Variants in PTK2 observed in about 807,000 individuals in gnomAD.
PTK2 encodes the protein protein tyrosine kinase 2, also known as focal adhesion kinase 1.
A neutral mutation model predicts 150.1 loss-of-function variants in PTK2; 45 were observed. That is an observed-to-expected ratio of 0.30 (90% CI 0.24 to 0.38). The LOEUF (loss-of-function observed/expected upper bound fraction) is 0.38. Among genes scored for constraint, PTK2 ranks in the 10% least tolerant of loss-of-function variants. The pLI is 1.00. For synonymous variants in PTK2, 432 were observed against 449.2 expected (o/e 0.96, Z 0.48); for missense variants, 919 against 1,307.3 (o/e 0.70, Z 4.58).
chr8:140,941,537 T>A (rs2100175757), intron 1 of PTK2, among the ~76,000 whole-genome samples: 1 of 152,184 alleles, frequency 6.6e-6, no homozygotes, highest in Non-Finnish European at 1.5e-5. Context: ...GATGAGCTCA[T>A]CATTTAAAAT....
intron 27 of PTK2, among the ~76,000 whole-genome samples, chr8:140,679,237 C>T (rs538479422): frequency 6.6e-6 from 1 of 151,854 alleles, no homozygotes; most frequent in Admixed American, 6.6e-5. Context: ...GTGGGCCAGG[C>T]TGGTCTTGAA....
rs528147272 is a variant in PTK2, at chr8:140,738,769, C to A, written c.1825+249G>T. Among the ~76,000 whole-genome samples the A allele has an allele frequency of 2.0e-5, 3 of 151,918 alleles. No individual in the cohort carries two copies. In the East Asian group the frequency reaches 5.8e-4, roughly 29 times the overall value. On this transcript the variant is annotated intron_variant, in intron 21 of 31. Coordinates refer to ENST00000522684, the Ensembl canonical transcript of PTK2. ...GGAAAGAAGAGACAGCAAAGGGGAA[C>A]AAAAAGGAAGAGTGATGGAAGGAGC...
At chr8:140,689,739 G>A (rs185808137) in intron 26 of PTK2, among the ~76,000 whole-genome samples, 22 of 152,292 alleles carry the variant, frequency 1.4e-4, no homozygotes, top group Non-Finnish European at 2.2e-4. Flanking sequence ...AACAACTGGA[G>A]ACTCTAGGTA....
intron 22 of PTK2, 164 bp from the exon 26 acceptor site, chr8:140,717,873 C>A: frequency 1.9e-6 from 1 of 538,224 alleles, no homozygotes. Context: ...TAACTCTCCA[C>A]GAAATGATTC....
At chr8:140,684,398 C>A (rs891447404) in intron 27 of PTK2, among the ~76,000 whole-genome samples, 2 of 152,234 alleles carry the variant, frequency 1.3e-5, no homozygotes, top group African/African-American at 4.8e-5. Flanking sequence ...GGCATTAATG[C>A]GGGCTAGCCC....
At chr8:140,872,148 G>A (rs1011960838) in intron 4 of PTK2, among the ~76,000 whole-genome samples, 1 of 152,056 alleles carries the variant, frequency 6.6e-6, no homozygotes, top group Non-Finnish European at 1.5e-5. Context: ...AGGTTCAAGC[G>A]ATTCTCCAGC....
At chr8:140,678,405 G>A (rs1161808626) in intron 27 of PTK2, among the ~76,000 whole-genome samples, 3 of 151,948 alleles carry the variant, frequency 2.0e-5, no homozygotes, top group Non-Finnish European at 4.4e-5. Flanking sequence ...GCAGTGCTGT[G>A]GCATGATCTT....
chr8:140,877,016 T>A (rs1160346610), intron 4 of PTK2, among the ~76,000 whole-genome samples: 1 of 149,590 alleles, frequency 6.7e-6, no homozygotes, highest in Non-Finnish European at 1.5e-5. Context: ...CATGTAACTT[T>A]CACTAATCCT....
chr8:140,967,725 T>C (rs567425867), intron 1 of PTK2, among the ~76,000 whole-genome samples: 1 of 152,256 alleles, frequency 6.6e-6, no homozygotes, highest in African/African-American at 2.4e-5. Context: ...CCCAAAGTGC[T>C]GGGATTACAG....
At chr8:140,876,777 T>G (rs2100145783) in intron 4 of PTK2, among the ~76,000 whole-genome samples, 1 of 152,170 alleles carries the variant, frequency 6.6e-6, no homozygotes, top group African/African-American at 2.4e-5. Flanking sequence ...TTACTAATTT[T>G]TCAGCTATGT....
intron 2 of PTK2, among the ~76,000 whole-genome samples, chr8:140,902,924 GTTTTTTTTTTTTTTT>G (rs61261890): frequency 5.3e-4 from 31 of 58,946 alleles, no homozygotes; most frequent in Non-Finnish European, 9.1e-4. Flanking sequence ...GATGAGAGTT[GTTTTTTTTTTTTTTT>G]TTTTTTTTTT....
At chr8:140,692,790 A>G (rs1041972089) in intron 26 of PTK2, among the ~76,000 whole-genome samples, 2 of 152,202 alleles carry the variant, frequency 1.3e-5, no homozygotes, top group Non-Finnish European at 2.9e-5. Flanking sequence ...TATGAGGGAA[A>G]AAATAGGAGA....
At chr8:140,893,523 C>T (rs2100154919) in intron 2 of PTK2, among the ~76,000 whole-genome samples, 1 of 152,150 alleles carries the variant, frequency 6.6e-6, no homozygotes, top group Admixed American at 6.5e-5. Flanking sequence ...CATTATACTA[C>T]AAGGAAACCA....
chr8:140,701,148 A>G (rs2100030179), intron 25 of PTK2, 126 bp from the exon 29 acceptor site: 1 of 1,122,828 alleles, frequency 8.9e-7, no homozygotes, highest in Non-Finnish European at 1.2e-6. Context: ...GATCTCTCAT[A>G]CTGTGCTTGT....
intron 7 of PTK2, among the ~76,000 whole-genome samples, chr8:140,836,233 C>T (rs993913287): frequency 2.0e-5 from 3 of 152,256 alleles, no homozygotes; most frequent in Middle Eastern, 3.4e-3. Context: ...AATTAGCCCA[C>T]GGTAAAACTG....
At chr8:140,778,065 T>C (rs1247718304) in intron 14 of PTK2, among the ~76,000 whole-genome samples, 1 of 152,220 alleles carries the variant, frequency 6.6e-6, no homozygotes, top group African/African-American at 2.4e-5. Flanking sequence ...GCAAAACCTG[T>C]TGCCACAATG....
intron 5 of PTK2, among the ~76,000 whole-genome samples, chr8:140,861,946 C>T (rs530017129): frequency 1.3e-5 from 2 of 152,254 alleles, no homozygotes; most frequent in Non-Finnish European, 2.9e-5. Flanking sequence ...TTAGCTTTCT[C>T]TTGGGTTTTA....
intron 1 of PTK2, among the ~76,000 whole-genome samples, chr8:140,963,080 C>G (rs2100183946): frequency 6.6e-6 from 1 of 152,094 alleles, no homozygotes; most frequent in Non-Finnish European, 1.5e-5. Context: ...AGCCCTGTAA[C>G]AGACCACTGA....
intron 23 of PTK2, among the ~76,000 whole-genome samples, chr8:140,716,703 T>C (rs763185902): frequency 6.6e-6 from 1 of 152,266 alleles, no homozygotes; most frequent in Non-Finnish European, 1.5e-5. Context: ...TTCTGAACAC[T>C]TTTCATAAAG....
Sources: allele counts gnomAD v4.1 joint callset (sites outside exome capture counted in the v4.1 genomes callset), GRCh38; gene constraint gnomAD v4.1.1; transcripts MANE v1.5; gene names NCBI Gene and HGNC (gene_info 2026-07-23, HGNC 2026-07-21).